The following CDH13 variants were observed in gnomAD, a reference collection of about 807,000 sequenced individuals.
CDH13 encodes cadherin 13.
In CDH13, 24 loss-of-function variants were observed where a neutral mutation model predicts 63.8. The ratio of observed to expected loss-of-function variants is 0.38; its 90% CI spans 0.27 to 0.53. The LOEUF is 0.53. Among genes scored for constraint, CDH13 ranks in the 20% least tolerant of loss-of-function variants. The probability of loss-of-function intolerance (pLI) is 0.85; values close to 1 mark genes in which losing one functional copy is unlikely to be tolerated. For synonymous variants in CDH13, 503 were observed against 355.3 expected, an observed-to-expected ratio of 1.42 and a Z score of -4.67; for missense variants, 1,049 against 903.1, an observed-to-expected ratio of 1.16 and a Z score of -2.07.
intron 3 of CDH13, among the ~76,000 whole-genome samples, chr16:83,048,670 A>C (rs955669638): frequency 2.0e-5 from 3 of 152,124 alleles, no homozygotes; most frequent in African/African-American, 7.2e-5. Flanking sequence ...TCTCAGAGAA[A>C]GACCGATTCT....
intron 8 of CDH13, among the ~76,000 whole-genome samples, chr16:83,643,289 A>AG (rs1358248083): frequency 2.2e-5 from 1 of 44,972 alleles, no homozygotes; most frequent in Admixed American, 2.7e-4. Context: ...ATAATAAAAA[A>AG]AAAAAAAAAA....
At chr16:83,654,541 G>C (rs545989734) in intron 8 of CDH13, among the ~76,000 whole-genome samples, 3 of 152,182 alleles carry the variant, frequency 2.0e-5, no homozygotes, top group Admixed American at 6.5e-5. Flanking sequence ...GAGGTCAGAC[G>C]AAGAATCCTG....
At chr16:83,714,428 G>T (rs1276350263) in intron 10 of CDH13, among the ~76,000 whole-genome samples, 1 of 152,174 alleles carries the variant, frequency 6.6e-6, no homozygotes, top group African/African-American at 2.4e-5. Flanking sequence ...TAGCTATGCT[G>T]CCCCAGTGAG....
At position 83,776,579 on chromosome 16, in the gene CDH13, G is replaced by A. The variant is rs58472894; in HGVS notation, c.1682-3389G>A. ...ATATATTTAAATTTCCACCAGCCCCGCTAAAGAGTATCGGCTCGCACTTCT... is the reference window on the plus strand; with the variant it reads ...ATATATTTAAATTTCCACCAGCCCCACTAAAGAGTATCGGCTCGCACTTCT... On this transcript the variant is annotated intron_variant, in intron 11 of 13. Transcript: ENST00000567109. 4.8e-3 allele frequency among the ~76,000 whole-genome samples: 735 copies of A among 152,246 alleles called. 3 individuals carry two copies. The highest frequency in any genetic ancestry group is 0.017 in the African/African-American group (698 of 41,542).
In CDH13 at chr16:83,790,549, G is replaced by A. The variant is rs375312104; in HGVS notation, c.2135-4474G>A. Among the ~76,000 whole-genome samples, 15 of 152,188 alleles carry A rather than the reference G, an allele frequency of 9.9e-5. No individual in the cohort carries two copies. The East Asian group carries it at 2.3e-3, about 24-fold the overall frequency. On this transcript the variant is annotated intron_variant, in intron 13 of 13. Transcript: ENST00000567109. ...CGAGTGGCTGAGACTACAAGCGCCC[G>A]CCACCATGCCTGGCTAATGTTGTTT...
chr16:83,011,350 T>A (rs1914133476), intron 2 of CDH13, among the ~76,000 whole-genome samples: 1 of 152,168 alleles, frequency 6.6e-6, no homozygotes, highest in African/African-American at 2.4e-5. Context: ...TGGAAAGGGC[T>A]GAATAAATAT....
chr16:83,486,415 G>A (rs932924898), intron 6 of CDH13, 62 bp from the exon 7 acceptor site: 3 of 1,462,518 alleles, frequency 2.1e-6, no homozygotes, highest in Non-Finnish European at 2.8e-6. Flanking sequence ...GGTGGGGAAG[G>A]GGCTCTGGCC....
intron 10 of CDH13, among the ~76,000 whole-genome samples, chr16:83,747,881 G>A (rs1174078922): frequency 6.6e-6 from 1 of 151,890 alleles, no homozygotes; most frequent in East Asian, 1.9e-4. Flanking sequence ...TCCTGGGAGT[G>A]TCAAGAGGAA....
chr16:82,651,195 A>G (rs1176318420), intron 1 of CDH13, among the ~76,000 whole-genome samples: 1 of 152,256 alleles, frequency 6.6e-6, no homozygotes, highest in Non-Finnish European at 1.5e-5. Context: ...ATTTAATGAC[A>G]TTTTAACAAA....
At chr16:83,567,690 G>A (rs1904295854) in intron 7 of CDH13, among the ~76,000 whole-genome samples, 1 of 152,070 alleles carries the variant, frequency 6.6e-6, no homozygotes. Context: ...CTGCCTCCTG[G>A]GTTCACGCTA....
At chr16:83,554,018 G>T (rs1443233952) in intron 7 of CDH13, among the ~76,000 whole-genome samples, 1 of 152,138 alleles carries the variant, frequency 6.6e-6, no homozygotes, top group East Asian at 1.9e-4. Flanking sequence ...CTGTGTCTCT[G>T]TCTGTTTTCT....
intron 7 of CDH13, among the ~76,000 whole-genome samples, chr16:83,522,819 C>T (rs1257428185): frequency 6.6e-6 from 1 of 152,120 alleles, no homozygotes. Context: ...TGACCTCCAC[C>T]TATAGGTTCA....
At chr16:82,852,631 A>G (rs1425981522) in intron 1 of CDH13, among the ~76,000 whole-genome samples, 1 of 152,212 alleles carries the variant, frequency 6.6e-6, no homozygotes, top group Admixed American at 6.5e-5. Flanking sequence ...TCTCAATGAC[A>G]GTTCTTATAG....
intron 11 of CDH13, 40 bp downstream of exon 11, chr16:83,748,290 G>A: frequency 6.5e-7 from 1 of 1,541,570 alleles, no homozygotes; most frequent in Non-Finnish European, 8.8e-7. Context: ...ATACTTTTCT[G>A]CTACAAATAT....
intron 3 of CDH13, among the ~76,000 whole-genome samples, chr16:83,076,243 A>G (rs531815642): frequency 6.6e-6 from 1 of 152,356 alleles, no homozygotes; most frequent in East Asian, 1.9e-4. Flanking sequence ...CCAAAAAGAA[A>G]ATGATAGAGC....
At chr16:83,594,821 A>T (rs1007343001) in intron 7 of CDH13, among the ~76,000 whole-genome samples, 4 of 152,240 alleles carry the variant, frequency 2.6e-5, no homozygotes, top group African/African-American at 7.2e-5. Context: ...CAAAACGTCG[A>T]GGGTCTGGTG....
chr16:82,821,563 A>C (rs1487274920), intron 1 of CDH13, among the ~76,000 whole-genome samples: 1 of 152,214 alleles, frequency 6.6e-6, no homozygotes, highest in African/African-American at 2.4e-5. Context: ...TGTTGGGCTT[A>C]CAAGTGGCAC....
chr16:83,314,293 T>C (rs961840912), intron 5 of CDH13, among the ~76,000 whole-genome samples: 35 of 152,250 alleles, frequency 2.3e-4, no homozygotes, highest in Non-Finnish European at 4.7e-4. Context: ...ATGTGATTTT[T>C]TTTTCTTTCA....
intron 1 of CDH13, among the ~76,000 whole-genome samples, chr16:82,761,648 T>C (rs902766816): frequency 7.9e-5 from 12 of 152,218 alleles, no homozygotes; most frequent in Non-Finnish European, 1.6e-4. Context: ...AAAAGTCACA[T>C]AAAGTTCCAA....
Sources: gnomAD v4.1 joint callset for allele counts (sites outside exome capture counted in the v4.1 genomes callset) on GRCh38, gnomAD v4.1.1 for gene constraint, MANE v1.5 for transcripts, NCBI Gene and HGNC (gene_info 2026-07-23, HGNC 2026-07-21) for gene names.